Variants in HDAC9 observed in about 807,000 individuals in gnomAD.
The protein encoded by HDAC9 is histone deacetylase 9, also known as MEF-2 interacting transcription repressor (MITR) protein.
HDAC9 carries 41 observed loss-of-function variants against 139.4 expected under a neutral mutation model. The ratio of observed to expected loss-of-function variants is 0.29; its 90% confidence interval spans 0.23 to 0.38. The LOEUF (loss-of-function observed/expected upper bound fraction) is 0.38, where lower values mean the gene tolerates loss of function less well. Among genes scored for constraint, HDAC9 ranks in the 10% least tolerant of loss-of-function variants. The pLI, the probability that HDAC9 is intolerant of heterozygous loss-of-function variation, is 1.00. For missense variants in HDAC9, 1,147 were observed against 1,297.0 expected (o/e 0.88, Z 1.78); for synonymous variants, 517 against 476.2 (o/e 1.09, Z -1.12).
At chr7:18,274,980 C>T (rs538970456) in intron 2 of HDAC9, among the ~76,000 whole-genome samples, 8 of 152,242 alleles carry the variant, frequency 5.3e-5, no homozygotes, top group East Asian at 3.9e-4. Context: ...ATGCCATTTA[C>T]GTGACAGTAG....
intron 16 of HDAC9, among the ~76,000 whole-genome samples, chr7:18,791,035 G>T (rs891558530): frequency 1.3e-5 from 2 of 152,172 alleles, no homozygotes; most frequent in African/African-American, 4.8e-5. Context: ...AGATAGAAAG[G>T]TATGGACAGG....
chr7:18,155,073 T>C (rs1001040399), intron 1 of HDAC9, among the ~76,000 whole-genome samples: 15 of 148,926 alleles, frequency 1.0e-4, no homozygotes, highest in South Asian at 6.4e-4. Flanking sequence ...ACAAAGCTTT[T>C]TTTCTTTCTT....
intron 2 of HDAC9, among the ~76,000 whole-genome samples, chr7:18,567,315 A>G (rs576988467): frequency 3.3e-5 from 5 of 152,286 alleles, no homozygotes; most frequent in Admixed American, 6.5e-5. Context: ...AACCTGAATA[A>G]CAACCCCTAT....
At chr7:18,249,274 G>A (rs533525582) in intron 2 of HDAC9, among the ~76,000 whole-genome samples, 7 of 151,986 alleles carry the variant, frequency 4.6e-5, no homozygotes, top group African/African-American at 9.7e-5. Flanking sequence ...AGGCTGAGGT[G>A]GGCAGATTGC....
chr7:18,629,653 C>A (rs962577150), intron 7 of HDAC9, among the ~76,000 whole-genome samples, 172 bp downstream of exon 7: 1 of 152,102 alleles, frequency 6.6e-6, no homozygotes. Context: ...TATGCATTCA[C>A]CAACTGTGTT....
At chr7:18,694,368 C>T (rs1237748761) in intron 12 of HDAC9, among the ~76,000 whole-genome samples, 1 of 152,128 alleles carries the variant, frequency 6.6e-6, no homozygotes, top group Admixed American at 6.5e-5. Flanking sequence ...ACCCATACCA[C>T]ATTCAGCCAA....
chr7:18,496,428 C>A (rs747008955), intron 2 of HDAC9, 104 bp downstream of exon 2: 39 of 966,266 alleles, frequency 4.0e-5, no homozygotes, highest in Admixed American at 2.3e-4. Flanking sequence ...GCTGCTTTTT[C>A]GTGTTGATGT....
chr7:18,608,785 A>T (rs1236425113), intron 6 of HDAC9, among the ~76,000 whole-genome samples: 1 of 152,192 alleles, frequency 6.6e-6, no homozygotes, highest in Non-Finnish European at 1.5e-5. Flanking sequence ...TAAGTAAAAA[A>T]GGATTTCTGA....
intron 16 of HDAC9, among the ~76,000 whole-genome samples, chr7:18,790,179 G>A (rs2129177153): frequency 6.6e-6 from 1 of 152,258 alleles, no homozygotes; most frequent in South Asian, 2.1e-4. Context: ...CATGCCTTAG[G>A]AAAGTATGCT....
At chr7:18,744,224 T>C (rs1235667008) in intron 13 of HDAC9, among the ~76,000 whole-genome samples, 1 of 152,120 alleles carries the variant, frequency 6.6e-6, no homozygotes, top group Non-Finnish European at 1.5e-5. Context: ...ACTCCTGACC[T>C]CTAGTGATCT....
At chr7:18,845,920 C>T (rs990927149) in intron 21 of HDAC9, among the ~76,000 whole-genome samples, 2 of 152,104 alleles carry the variant, frequency 1.3e-5, no homozygotes, top group Admixed American at 6.6e-5. Context: ...GTCACGTGCA[C>T]TGTGGTACAC....
At position 18,749,815 on chromosome 7, in the gene HDAC9, A is replaced by G. The variant is rs549962776; in HGVS notation, c.2043+677A>G. Reference sequence around the variant, plus strand: ...CCAGCTGCTATTCGATTTAGTTGCTATAAATGTCCATTGTTGTCTGAAATC... The same window carrying G: ...CCAGCTGCTATTCGATTTAGTTGCTGTAAATGTCCATTGTTGTCTGAAATC... On this transcript the variant is annotated intron_variant, in intron 14 of 25. Coordinates refer to ENST00000686413, the MANE Select transcript of HDAC9 (RefSeq NM_178425.4). Among the ~76,000 whole-genome samples, 10 of 152,310 alleles carry G rather than the reference A, an allele frequency of 6.6e-5. No homozygotes were observed. The East Asian group carries it at 1.7e-3, about 26-fold the overall frequency.
At chr7:18,484,801 T>G (rs747249092) in intron 1 of HDAC9, among the ~76,000 whole-genome samples, 8 of 151,388 alleles carry the variant, frequency 5.3e-5, no homozygotes, top group Non-Finnish European at 1.0e-4. Flanking sequence ...TTTAGTAAAC[T>G]ATGATTATGC....
intron 2 of HDAC9, among the ~76,000 whole-genome samples, chr7:18,208,733 TAA>T (rs1009140634): frequency 6.6e-6 from 1 of 151,742 alleles, no homozygotes; most frequent in Non-Finnish European, 1.5e-5. Flanking sequence ...GAAAAAAATT[TAA>T]AAAAAAATTT....
intron 1 of HDAC9, among the ~76,000 whole-genome samples, chr7:18,464,709 G>T (rs560563284): frequency 1.1e-4 from 17 of 151,890 alleles, no homozygotes; most frequent in Non-Finnish European, 2.2e-4. Flanking sequence ...ATTCAAGTGT[G>T]GTCTTTTATG....
intron 22 of HDAC9, among the ~76,000 whole-genome samples, chr7:18,875,154 A>G (rs1002277149): frequency 2.6e-5 from 4 of 152,138 alleles, no homozygotes; most frequent in Non-Finnish European, 5.9e-5. Flanking sequence ...TGGACACCAC[A>G]TGAAGAAATA....
intron 2 of HDAC9, among the ~76,000 whole-genome samples, chr7:18,164,759 ATTTACTAGT>A (rs906878495): frequency 5.3e-5 from 8 of 152,206 alleles, no homozygotes; most frequent in African/African-American, 1.9e-4. Context: ...TGTATATAAA[ATTTACTAGT>A]TTTTATTTTA....
chr7:18,814,579 G>A (rs747564529), intron 17 of HDAC9, among the ~76,000 whole-genome samples: 1 of 152,000 alleles, frequency 6.6e-6, no homozygotes, highest in Non-Finnish European at 1.5e-5. Context: ...TCATTCACAT[G>A]TGCATGCTCA....
At position 18,727,583 on chromosome 7, in the gene HDAC9, T is replaced by C. The variant is rs1336596962; in HGVS notation, c.1735T>C (p.Phe579Leu). The stretch of plus-strand genomic sequence containing the variant: ...TGTGCTCTTTTCTTGGCAACAGCCT[T>C]TCCTGGAACCCACGCACACACGTGC... Reference protein sequence around the residue: ...GEQAAFMQQPFLEPTHTRALS... With the variant: ...GEQAAFMQQPLLEPTHTRALS... Residue 579 changes from phenylalanine (F) to leucine (L), a missense_variant, in exon 13 of 26, where the codon TTC becomes CTC. This residue lies in a region of HDAC9 where 256 missense variants were observed against 219.2 expected (regional missense o/e 1.17). Transcript: ENST00000686413. 6.3e-7 allele frequency: 1 copy of C among 1,593,168 alleles called. No homozygotes were observed. Among genetic ancestry groups the C allele is most frequent in the Non-Finnish European group, 8.5e-7 (1 of 1,170,340 alleles).
Sources: gnomAD v4.1 joint callset for allele counts (sites outside exome capture counted in the v4.1 genomes callset) on GRCh38, gnomAD v4.1.1 for gene constraint, gnomAD v4.1.1 regional missense constraint, MANE v1.5 for transcripts, NCBI Gene and HGNC (gene_info 2026-07-23, HGNC 2026-07-21) for gene names.